BAHCC1: variants seen among roughly 807,000 people sequenced by gnomAD.
BAHCC1 encodes BAH and coiled-coil domain-containing protein 1.
In BAHCC1, 43 loss-of-function variants were observed where a neutral mutation model predicts 88.2. The ratio of observed to expected loss-of-function variants is 0.49; its 90% CI spans 0.38 to 0.63. BAHCC1 has a LOEUF of 0.63. BAHCC1 is among the 20% of genes least tolerant of loss of function. The probability of loss-of-function intolerance (pLI) is 0.00; values close to 1 mark genes in which losing one functional copy is unlikely to be tolerated. For missense variants in BAHCC1, 3,023 were observed against 1,654.8 expected (o/e 1.83, Z -14.34); for synonymous variants, 1,510 against 745.5 (o/e 2.03, Z -16.71).
chr17:81,415,897 G>T (rs566491460), intron 2 of BAHCC1, among the ~76,000 whole-genome samples: 14 of 152,368 alleles, frequency 9.2e-5, no homozygotes, highest in African/African-American at 2.9e-4. Context: ...GATGGCTGTG[G>T]GCAGAGCGCC....
chr17:81,443,602 A>G, intron 5 of BAHCC1, 38 bp downstream of exon 5: 1 of 617,942 alleles, frequency 1.6e-6, no homozygotes, highest in South Asian at 1.8e-5. Context: ...AGGCCGGGAC[A>G]GTCTAGGGGG....
Position 81,443,907 on chromosome 17 carries a change from C to T in BAHCC1, c.2314C>T (p.Leu772=), listed in dbSNP as rs1555653536. 1.4e-6 allele frequency: 1 copy of T among 711,388 alleles called. No individual in the cohort carries two copies. The highest frequency in any genetic ancestry group is 2.6e-6 in the Non-Finnish European group (1 of 384,784). 44.1% of individuals were successfully genotyped at this position (711,388 alleles called of 1,614,324 possible). A position where few individuals can be genotyped will look rare whatever the true frequency, so the allele number is the denominator to read the frequency against. Residue 772 remains leucine, a synonymous_variant, in exon 6 of 28, where the codon CTG becomes TTG. Coordinates refer to ENST00000675386, the MANE Select transcript of BAHCC1 (RefSeq NM_001377448.1). ...DDRLGLASRE[L]LLQDSKDRVE... is the part of the protein sequence containing the mutation. Reference sequence around the variant, plus strand: ...CCGCCTGGGGCTTGCCAGCCGCGAGCTGCTGCTGCAGTGAGAGCTGGGCCT... The same window carrying T: ...CCGCCTGGGGCTTGCCAGCCGCGAGTTGCTGCTGCAGTGAGAGCTGGGCCT...
At position 81,465,909 on chromosome 17, in the gene BAHCC1, C is replaced by G. The variant is rs1351004751; in HGVS notation, c.*2092C>G. 1 of 152,492 alleles carries G rather than the reference C, an allele frequency of 6.6e-6. No individual in the cohort carries two copies. The allele number at this position is 152,492 out of a possible 1,614,324, so 9.4% of individuals were successfully genotyped here. The stretch of plus-strand genomic sequence containing the variant: ...GTTGGACGAGGTCCTGCTTGAGGCT[C>G]GGGGATCAGAACGATGTCAAGTGAA... On this transcript the variant is annotated 3_prime_UTR_variant, in exon 28 of 28. Coordinates refer to ENST00000675386, the MANE Select transcript of BAHCC1 (RefSeq NM_001377448.1).
intron 2 of BAHCC1, among the ~76,000 whole-genome samples, chr17:81,405,778 G>A (rs1555646776): frequency 6.6e-6 from 1 of 152,274 alleles, no homozygotes; most frequent in Non-Finnish European, 1.5e-5. Context: ...CTGAATATAG[G>A]CCCATAACAA....
intron 2 of BAHCC1, among the ~76,000 whole-genome samples, chr17:81,426,131 T>TGGGTGATG (rs2064194274): frequency 8.3e-6 from 1 of 121,160 alleles, no homozygotes; most frequent in African/African-American, 2.9e-5. Flanking sequence ...GTGATAGTGG[T>TGGGTGATG]TGGTGGTGAT....
At chr17:81,408,654 C>T (rs1039260544) in intron 2 of BAHCC1, among the ~76,000 whole-genome samples, 2 of 152,202 alleles carry the variant, frequency 1.3e-5, no homozygotes, top group African/African-American at 4.8e-5. Flanking sequence ...CTCCATGCCC[C>T]ACACCAGCTG....
chr17:81,463,471 T>C (rs2030478526), intron 27 of BAHCC1, 140 bp from the exon 28 acceptor site: 1 of 650,244 alleles, frequency 1.5e-6, no homozygotes, highest in Admixed American at 2.1e-5. Flanking sequence ...CCTGGCAGGT[T>C]CCTCGGCCCC....
At position 81,461,576 on chromosome 17, in the gene BAHCC1, G is replaced by A. The variant is rs782330087; in HGVS notation, c.6913G>A (p.Gly2305Ser). The A allele has an allele frequency of 5.6e-5, 40 of 720,048 alleles. No homozygotes were observed. The highest frequency in any genetic ancestry group is 2.4e-4 in the East Asian group (9 of 37,640). The allele number at this position is 720,048 out of a possible 1,614,324, so 44.6% of individuals were successfully genotyped here. Residue 2305 changes from glycine (G) to serine (S), a missense_variant, in exon 26 of 28, where the codon GGC (glycine) becomes AGC (serine). Gly to Ser is a moderately conservative substitution (Grantham distance 56). Coordinates refer to ENST00000675386, the MANE Select transcript of BAHCC1 (RefSeq NM_001377448.1). ...CGAGGACGGGCCGGGGCTGGCGGCC[G>A]GCGTGCCCTCCCGCTTCCTCGCCCG... ...EDEDGPGLAAGVPSRFLARLS... is the reference protein window; with the variant it reads ...EDEDGPGLAASVPSRFLARLS...
At chr17:81,404,715 A>T (rs2063858516) in intron 2 of BAHCC1, among the ~76,000 whole-genome samples, 1 of 152,228 alleles carries the variant, frequency 6.6e-6, no homozygotes, top group South Asian at 2.1e-4. Flanking sequence ...CAACTTACAT[A>T]TGTCATCAGA....
chr17:81,444,221 C>G (rs1330828896), intron 6 of BAHCC1, 160 bp from the exon 7 acceptor site: 1 of 612,004 alleles, frequency 1.6e-6, no homozygotes, highest in Non-Finnish European at 2.9e-6. Flanking sequence ...AGGTCCCGTT[C>G]TCCCTCCCAG....
intron 2 of BAHCC1, among the ~76,000 whole-genome samples, chr17:81,403,614 TA>T (rs1358691018): frequency 2.0e-5 from 3 of 152,230 alleles, no homozygotes; most frequent in Non-Finnish European, 4.4e-5. Context: ...CATCATGTGA[TA>T]TTTTTTTGTA....
chr17:81,396,313 G>C (rs1392638680), intron 1 of BAHCC1: 3 of 152,198 alleles, frequency 2.0e-5, no homozygotes, highest in Non-Finnish European at 2.9e-5. Context: ...TGGGGGTGGA[G>C]GAGGGGGACC....
At chr17:81,425,955 G>A (rs797024149) in intron 2 of BAHCC1, among the ~76,000 whole-genome samples, 1 of 146,616 alleles carries the variant, frequency 6.8e-6, no homozygotes, top group Non-Finnish European at 1.5e-5. Flanking sequence ...GTGGTTGGTG[G>A]TGATGTGGTT....
At chr17:81,438,848 G>T (rs1474220908) in intron 4 of BAHCC1, among the ~76,000 whole-genome samples, 1 of 152,068 alleles carries the variant, frequency 6.6e-6, no homozygotes, top group Non-Finnish European at 1.5e-5. Flanking sequence ...GGATGGTGGG[G>T]TGGCTCAGGA....
At position 81,443,045 on chromosome 17, in the gene BAHCC1, C is replaced by T. The variant is rs371447529; in HGVS notation, c.1696C>T (p.Arg566Cys). The change falls in exon 5 of 28, where the codon CGC becomes TGC. Residue 566 changes from arginine (R) to cysteine (C), a missense_variant. Arg to Cys is a radical substitution (Grantham distance 180). Transcript: ENST00000675386. Reference sequence around the variant, plus strand: ...GGGGGGCATTGGGGCTGAGGCCAAGCGCAAGTCCCTGGAGCTGGCATCCCT... The same window carrying T: ...GGGGGGCATTGGGGCTGAGGCCAAGTGCAAGTCCCTGGAGCTGGCATCCCT... Reference protein sequence around the residue: ...EQGGIGAEAKRKSLELASLGY... With the variant: ...EQGGIGAEAKCKSLELASLGY... The T allele has an allele frequency of 8.4e-5, 65 of 778,070 alleles. No homozygotes were observed. Among genetic ancestry groups the T allele is most frequent in the Non-Finnish European group, 1.1e-4 (48 of 417,662 alleles). 48.2% of individuals were successfully genotyped at this position (778,070 alleles called of 1,614,324 possible).
intron 2 of BAHCC1, among the ~76,000 whole-genome samples, chr17:81,403,787 G>A (rs1309388018): frequency 2.6e-5 from 4 of 152,182 alleles, no homozygotes; most frequent in Admixed American, 1.3e-4. Context: ...AAGTTGCCGC[G>A]AGCCCAAAGG....
chr17:81,452,823 C>T lies in BAHCC1; in HGVS notation c.4417C>T (p.Leu1473Phe), dbSNP rs543520686. 9.4e-6 allele frequency: 7 copies of T among 745,512 alleles called. No individual in the cohort carries two copies. Among genetic ancestry groups the T allele is most frequent in the Non-Finnish European group, 1.7e-5 (7 of 404,814 alleles). 46.2% of individuals were successfully genotyped at this position (745,512 alleles called of 1,614,324 possible). A position where few individuals can be genotyped will look rare whatever the true frequency, so the allele number is the denominator to read the frequency against. Reference protein sequence around the residue: ...SLPAPRPTGPLPRSDGKKVKA... With the variant: ...SLPAPRPTGPFPRSDGKKVKA... ...GCCTGCCCCACGTCCCACGGGGCCG[C>T]TCCCCAGGAGCGATGGCAAGAAAGT... The change falls in exon 14 of 28, where the codon CTC (leucine) becomes TTC (phenylalanine). Residue 1473 changes from leucine to phenylalanine, a missense_variant. Coordinates refer to ENST00000675386, the MANE Select transcript of BAHCC1 (RefSeq NM_001377448.1).
intron 3 of BAHCC1, 135 bp downstream of exon 3, chr17:81,427,114 G>A (rs965195820): frequency 3.0e-5 from 12 of 398,034 alleles, no homozygotes; most frequent in African/African-American, 8.2e-5. Flanking sequence ...AAGCAGGCTC[G>A]GGTGAGGCTG....
At position 81,445,493 on chromosome 17, in the gene BAHCC1, C is replaced by T. The variant is rs782014773; in HGVS notation, c.2975C>T (p.Pro992Leu). Residue 992 changes from proline (P) to leucine (L), a missense_variant, in exon 10 of 28, where the codon CCT becomes CTT. Pro to Leu is a moderately conservative substitution (Grantham distance 98). Coordinates refer to ENST00000675386, the MANE Select transcript of BAHCC1 (RefSeq NM_001377448.1). ...SPAAGPTKLP[P>L]CCHPPDPKPP... ...GCTGCAGGCCCCACCAAGCTGCCAC[C>T]TTGCTGCCATCCGCCCGACCCAAAG... The T allele has an allele frequency of 1.3e-6, 1 of 749,806 alleles. No individual in the cohort carries two copies. The highest frequency in any genetic ancestry group is 1.4e-5 in the South Asian group (1 of 70,244). 46.4% of individuals were successfully genotyped at this position (749,806 alleles called of 1,614,324 possible). A position where few individuals can be genotyped will look rare whatever the true frequency, so the allele number is the denominator to read the frequency against.
Sources: gnomAD v4.1 joint callset for allele counts (sites outside exome capture counted in the v4.1 genomes callset) on GRCh38, gnomAD v4.1.1 for gene constraint, MANE v1.5 for transcripts, NCBI Gene and HGNC (gene_info 2026-07-23, HGNC 2026-07-21) for gene names.